The following GFRA1 variants were observed in gnomAD, a reference collection of about 807,000 sequenced individuals.
GFRA1 encodes GDNF family receptor alpha-1.
GFRA1 carries 16 observed loss-of-function variants against 51.6 expected under a neutral mutation model. The observed-to-expected ratio is 0.31, with a 90% confidence interval of 0.21 to 0.47. GFRA1 has a LOEUF of 0.47. Ranked by LOEUF, GFRA1 falls within the 20% of genes least tolerant of loss-of-function variation. The pLI, the probability that GFRA1 is intolerant of heterozygous loss-of-function variation, is 1.00. For missense variants in GFRA1, 530 were observed against 594.3 expected, an observed-to-expected ratio of 0.89 and a Z score of 1.13; for synonymous variants, 270 against 241.3, an observed-to-expected ratio of 1.12 and a Z score of -1.10.
rs1051209653 is a variant in GFRA1 at position 116,115,968 on chromosome 10, T to C, written c.770+9253A>G. Among the ~76,000 whole-genome samples, 12 of 152,086 alleles carry C rather than the reference T, an allele frequency of 7.9e-5. 1 individual carries two copies. The highest frequency in any genetic ancestry group is 3.3e-4 in the Admixed American group (5 of 15,244). ...CTCAGCCACCTGCAGTTGAACAAGG[T>C]GGTCTGAAGTCCAGGGACCCATAGA... On this transcript the variant is annotated intron_variant, in intron 6 of 10. Coordinates refer to ENST00000355422, the MANE Select transcript of GFRA1 (RefSeq NM_005264.8).
In GFRA1 at chr10:116,226,622, G is replaced by A. The variant is rs945023773; in HGVS notation, c.419-14977C>T. ...GGAAGACAATTTTTCCACAGGCAGG[G>A]GGTGTATGTGAGTGGGGGGATGGTT... On this transcript the variant is annotated intron_variant, in intron 4 of 10. Coordinates refer to ENST00000355422, the MANE Select transcript of GFRA1 (RefSeq NM_005264.8). 33 of 193,186 alleles carry A rather than the reference G, an allele frequency of 1.7e-4. 2 individuals are homozygous for A. Among genetic ancestry groups the A allele is most frequent in the Non-Finnish European group, 4.6e-5 (4 of 87,818 alleles). 12.0% of individuals were successfully genotyped at this position (193,186 alleles called of 1,614,324 possible). A position where few individuals can be genotyped will look rare whatever the true frequency, so the allele number is the denominator to read the frequency against.
chr10:116,084,796 A>ACG (rs1565562468), intron 9 of GFRA1, among the ~76,000 whole-genome samples: 4 of 149,766 alleles, frequency 2.7e-5, no homozygotes, highest in African/African-American at 9.7e-5. Context: ...ACACACACAC[A>ACG]CACACACACA....
chr10:116,248,723 C>T (rs1237276079), intron 4 of GFRA1, among the ~76,000 whole-genome samples: 1 of 152,074 alleles, frequency 6.6e-6, no homozygotes, highest in African/African-American at 2.4e-5. Context: ...CTGGTGGGGG[C>T]GGTTAAAGGG....
intron 9 of GFRA1, among the ~76,000 whole-genome samples, chr10:116,068,823 G>A (rs1338045251): frequency 6.7e-6 from 1 of 150,062 alleles, no homozygotes; most frequent in African/African-American, 2.5e-5. Context: ...AAAATTGCAG[G>A]GCGTCTCCCG....
chr10:116,205,596 G>GATATATATATATATATATATATATAT (rs140642664), intron 5 of GFRA1, among the ~76,000 whole-genome samples: 21 of 140,588 alleles, frequency 1.5e-4, no homozygotes, highest in African/African-American at 5.4e-4. Flanking sequence ...AAAAAAAAAA[G>GATATATATATATATATATATATATAT]ATATATATAT....
chr10:116,142,988 G>C (rs1243793485), intron 5 of GFRA1, among the ~76,000 whole-genome samples: 1 of 152,080 alleles, frequency 6.6e-6, no homozygotes, highest in Non-Finnish European at 1.5e-5. Flanking sequence ...TAAAGCACAG[G>C]TCCACTTCCC....
At chr10:116,156,883 C>T (rs529567259) in intron 5 of GFRA1, among the ~76,000 whole-genome samples, 2 of 152,254 alleles carry the variant, frequency 1.3e-5, no homozygotes, top group East Asian at 1.9e-4. Flanking sequence ...TCATTATCTC[C>T]TCCCCCAACG....
intron 5 of GFRA1, among the ~76,000 whole-genome samples, chr10:116,162,435 C>T (rs11197559): frequency 0.15 from 22,957 of 152,194 alleles, 2,190 homozygotes; most frequent in Admixed American, 0.26. Context: ...CCTCTCCAAG[C>T]GGTACTCGCA....
In GFRA1 at chr10:116,223,418, C is replaced by G. The variant is rs574996131; in HGVS notation, c.419-11773G>C. Among the ~76,000 whole-genome samples, 4 of 152,348 alleles carry G rather than the reference C, an allele frequency of 2.6e-5. No individual in the cohort carries two copies. The South Asian group carries it at 8.3e-4, about 32-fold the overall frequency. On this transcript the variant is annotated intron_variant, in intron 4 of 10. Coordinates refer to ENST00000355422, the MANE Select transcript of GFRA1 (RefSeq NM_005264.8). ...AACTACAGGTATTTCATCAGTCTTT[C>G]AGAGCACAGGCCTTTCTGCCAGAAG... is the stretch of plus-strand genomic sequence containing the variant.
intron 4 of GFRA1, among the ~76,000 whole-genome samples, chr10:116,215,032 G>C (rs1965463878): frequency 6.6e-6 from 1 of 152,012 alleles, no homozygotes; most frequent in Non-Finnish European, 1.5e-5. Context: ...ATAAATACTA[G>C]TACAAATATT....
intron 9 of GFRA1, among the ~76,000 whole-genome samples, chr10:116,086,008 T>C (rs1423410671): frequency 1.3e-5 from 2 of 152,222 alleles, no homozygotes; most frequent in African/African-American, 2.4e-5. Context: ...CCAAGGGTCA[T>C]GGAACAAGGC....
intron 9 of GFRA1, among the ~76,000 whole-genome samples, chr10:116,084,761 AACACACACACACACACACACACACAC>A (rs5788130): frequency 7.1e-6 from 1 of 140,088 alleles, no homozygotes; most frequent in African/African-American, 2.6e-5. Flanking sequence ...TTAAATAAGT[AACACACACACACACACACACACACAC>A]ACACACACAC....
At chr10:116,139,304 TA>T (rs151016796) in intron 5 of GFRA1, among the ~76,000 whole-genome samples, 1,903 of 152,338 alleles carry the variant, frequency 0.012, 39 homozygotes, top group African/African-American at 0.044. Flanking sequence ...ACATGAGCAC[TA>T]CATCAAATAA....
intron 5 of GFRA1, among the ~76,000 whole-genome samples, chr10:116,167,347 G>A (rs1025872163): frequency 6.6e-6 from 1 of 151,932 alleles, no homozygotes; most frequent in Non-Finnish European, 1.5e-5. Flanking sequence ...TTGCCCCTCC[G>A]TATTTTCTCC....
chr10:116,184,175 A>G (rs961824358), intron 5 of GFRA1, among the ~76,000 whole-genome samples: 2 of 152,272 alleles, frequency 1.3e-5, no homozygotes, highest in Non-Finnish European at 2.9e-5. Context: ...CCTACACTGT[A>G]AAGACTGACT....
intron 5 of GFRA1, among the ~76,000 whole-genome samples, chr10:116,146,001 CAA>C (rs1958784085): frequency 6.6e-6 from 1 of 151,896 alleles, no homozygotes; most frequent in Admixed American, 6.6e-5. Flanking sequence ...AACCTAGAAA[CAA>C]AGTGTACACA....
chr10:116,180,819 C>T (rs1962145701), intron 5 of GFRA1, among the ~76,000 whole-genome samples: 1 of 152,188 alleles, frequency 6.6e-6, no homozygotes, highest in Non-Finnish European at 1.5e-5. Context: ...AAATAACGTT[C>T]TTTCTAGACC....
At chr10:116,223,178 C>T (rs1966044599) in intron 4 of GFRA1, among the ~76,000 whole-genome samples, 1 of 152,142 alleles carries the variant, frequency 6.6e-6, no homozygotes, top group Admixed American at 6.5e-5. Context: ...ACCCACTAGC[C>T]CCCCAGCACG....
chr10:116,249,419 C>T (rs931749320), intron 4 of GFRA1, among the ~76,000 whole-genome samples: 2 of 152,170 alleles, frequency 1.3e-5, no homozygotes, highest in African/African-American at 4.8e-5. Context: ...ACTGGAGGTC[C>T]AGGAGGCATG....
Sources: allele counts gnomAD v4.1 joint callset (sites outside exome capture counted in the v4.1 genomes callset), GRCh38; gene constraint gnomAD v4.1.1; transcripts MANE v1.5; gene names NCBI Gene and HGNC (gene_info 2026-07-23, HGNC 2026-07-21).